The following CD163 variants were observed in gnomAD, a reference collection of about 807,000 sequenced individuals.
CD163 encodes CD163 molecule.
In CD163, 64 loss-of-function variants were observed where a neutral mutation model predicts 129.2. The ratio of observed to expected loss-of-function variants is 0.50; its 90% confidence interval spans 0.41 to 0.61. The LOEUF (loss-of-function observed/expected upper bound fraction) is 0.61, where lower values mean the gene tolerates loss of function less well. Among genes scored for constraint, CD163 ranks in the 20% least tolerant of loss-of-function variants. The pLI is 0.00. For synonymous variants in CD163, 446 were observed against 478.5 expected (o/e 0.93, Z 0.89); for missense variants, 1,061 against 1,377.9 (o/e 0.77, Z 3.64).
At chr12:7,501,819 CA>C (rs1949494459) in intron 2 of CD163, among the ~76,000 whole-genome samples, 1 of 152,086 alleles carries the variant, frequency 6.6e-6, no homozygotes, top group Non-Finnish European at 1.5e-5. Flanking sequence ...TACATTTCTC[CA>C]AAATCCTAAG....
intron 3 of CD163, 26 bp downstream of exon 3, chr12:7,501,113 G>A (rs371247157): frequency 6.3e-7 from 1 of 1,598,412 alleles, no homozygotes; most frequent in Non-Finnish European, 8.6e-7. Context: ...ATTTTGTGTT[G>A]AGGCTTTGAC....
At chr12:7,481,428 T>C (rs1473724188) in intron 14 of CD163, among the ~76,000 whole-genome samples, 172 bp from the exon 15 acceptor site, 2 of 152,114 alleles carry the variant, frequency 1.3e-5, no homozygotes, top group Non-Finnish European at 2.9e-5. Flanking sequence ...TCAAATGAAA[T>C]AGGCACAAGG....
intron 6 of CD163, among the ~76,000 whole-genome samples, chr12:7,489,662 T>A: frequency 6.6e-6 from 1 of 152,098 alleles, no homozygotes; most frequent in East Asian, 1.9e-4. Flanking sequence ...CATAATCATA[T>A]TAGCTAACAT....
chr12:7,499,162 T>C lies in CD163; in HGVS notation c.484A>G (p.Thr162Ala), dbSNP rs1411430981. Residue 162 changes from threonine (T) to alanine (A), a missense_variant, in exon 4 of 17, where the codon ACG becomes GCG. Coordinates refer to ENST00000432237, the MANE Select transcript of CD163 (RefSeq NM_203416.4). ...CCAGAACACATATTCCCTCCACGCGTCAGCCTCATTTCCAAATTGGATCCA... is the reference window on the plus strand; with the variant it reads ...CCAGAACACATATTCCCTCCACGCGCCAGCCTCATTTCCAAATTGGATCCA... ...SDGSNLEMRLTRGGNMCSGRI... is the reference protein window; with the variant it reads ...SDGSNLEMRLARGGNMCSGRI... 6.2e-7 allele frequency: 1 copy of C among 1,611,864 alleles called. No homozygotes were observed. The highest frequency in any genetic ancestry group is 8.5e-7 in the Non-Finnish European group (1 of 1,179,110).
intron 16 of CD163, among the ~76,000 whole-genome samples, chr12:7,479,658 T>A (rs1301630220): frequency 1.3e-5 from 2 of 152,202 alleles, no homozygotes; most frequent in African/African-American, 4.8e-5. Context: ...TTACTATTTG[T>A]GTGTATAATT....
rs1160924423 is a variant in CD163 at position 7,485,843 on chromosome 12, G to T, written c.2459-427C>A. Reference sequence around the variant, plus strand: ...TGCTGACACTTCACAGTTTTGCAGTGCATGTCTTCTACCAGATTTATGTCA... The same window carrying T: ...TGCTGACACTTCACAGTTTTGCAGTTCATGTCTTCTACCAGATTTATGTCA... On this transcript the variant is annotated intron_variant, in intron 10 of 16. Coordinates refer to ENST00000432237, the MANE Select transcript of CD163 (RefSeq NM_203416.4). The surrounding 1 kb of genome is among the most constrained non-coding windows in gnomAD (Gnocchi z 4.5). Among the ~76,000 whole-genome samples, 1 of 152,044 alleles carries T rather than the reference G, an allele frequency of 6.6e-6. No individual in the cohort carries two copies. The highest frequency in any genetic ancestry group is 2.4e-5 in the African/African-American group (1 of 41,406).
At chr12:7,479,777 T>C in intron 16 of CD163, 83 bp downstream of exon 16, 1 of 1,418,680 alleles carries the variant, frequency 7.0e-7, no homozygotes, top group Non-Finnish European at 9.7e-7. Flanking sequence ...ATACATTCTT[T>C]CTTTCTAATG....
chr12:7,493,441 T>G (rs1949352258), intron 6 of CD163, among the ~76,000 whole-genome samples: 1 of 152,174 alleles, frequency 6.6e-6, no homozygotes, highest in South Asian at 2.1e-4. Context: ...GCAAATCTAT[T>G]CTGGATGTTT....
At chr12:7,501,075 C>A in intron 3 of CD163, 64 bp downstream of exon 3, 1 of 1,397,880 alleles carries the variant, frequency 7.2e-7, no homozygotes, top group South Asian at 1.2e-5. Context: ...AGGTTTTAAC[C>A]CATCTACATA....
intron 14 of CD163, among the ~76,000 whole-genome samples, 169 bp downstream of exon 14, chr12:7,482,474 G>T (rs780007506): frequency 6.6e-6 from 1 of 152,246 alleles, no homozygotes; most frequent in African/African-American, 2.4e-5. Flanking sequence ...AAAGTGTAGG[G>T]ATTACAAGTG....
At position 7,486,887 on chromosome 12, in the gene CD163, G is replaced by T; in HGVS notation, c.2143+7C>A. 1 of 1,612,584 alleles carries T rather than the reference G, an allele frequency of 6.2e-7. No homozygotes were observed. Among genetic ancestry groups the T allele is most frequent in the Non-Finnish European group, 8.5e-7 (1 of 1,178,996 alleles). On this transcript the variant is annotated splice_region_variant and intron_variant, in intron 9 of 16. Transcript: ENST00000432237. ...AATATTTTCATAGATTTGTCACAGA[G>T]TCTTACCTATGCAGGCCACAGCACT...
intron 6 of CD163, among the ~76,000 whole-genome samples, chr12:7,488,722 A>G (rs980025501): frequency 1.3e-5 from 2 of 152,188 alleles, no homozygotes; most frequent in Admixed American, 1.3e-4. Flanking sequence ...ATATATTTTC[A>G]TCCATACTTT....
At chr12:7,482,916 T>G (rs1949182511) in intron 13 of CD163, 50 bp downstream of exon 13, 8 of 1,598,786 alleles carry the variant, frequency 5.0e-6, no homozygotes, top group Non-Finnish European at 6.8e-6. Context: ...ACAAGAAAAA[T>G]TCTATGTATG....
At chr12:7,489,980 A>G (rs1206268660) in intron 6 of CD163, among the ~76,000 whole-genome samples, 1 of 151,944 alleles carries the variant, frequency 6.6e-6, no homozygotes, top group Non-Finnish European at 1.5e-5. Context: ...CTTAAAATTT[A>G]TTTCCCTACC....
rs751609195 is a variant in CD163, at chr12:7,497,543, T to C, written c.779-410A>G. ...CTTTTGCCTCTGACTGCATTCTCCA[T>C]TGATACTACCTAGCCTGTGTTGTAC... On this transcript the variant is annotated intron_variant, in intron 4 of 16. Transcript: ENST00000432237. Among the ~76,000 whole-genome samples, 7 of 152,338 alleles carry C rather than the reference T, an allele frequency of 4.6e-5. No individual in the cohort carries two copies. The East Asian group carries it at 9.7e-4, about 21-fold the overall frequency.
rs759710249 is a variant in CD163 at position 7,497,068 on chromosome 12, T to G, written c.844A>C (p.Arg282=). The change falls in exon 5 of 17, where the codon AGA becomes CGA. Residue 282 remains arginine, a synonymous_variant. Coordinates refer to ENST00000432237, the MANE Select transcript of CD163 (RefSeq NM_203416.4). ...VTECSGRLEV[R]FQGEWGTICD... is the part of the protein sequence containing the mutation. ...ATTGTCCCCCATTCTCCTTGGAATC[T>G]CACTTCTAATCTTCCTGAACATTCA... The G allele has an allele frequency of 1.2e-6, 2 of 1,614,100 alleles. No individual in the cohort carries two copies. Among genetic ancestry groups the G allele is most frequent in the Admixed American group, 3.3e-5 (2 of 60,018 alleles).
At chr12:7,483,778 AT>A in intron 11 of CD163, 103 bp from the exon 12 acceptor site, 1 of 469,322 alleles carries the variant, frequency 2.1e-6, no homozygotes, top group Non-Finnish European at 3.3e-6. Flanking sequence ...AAAAAAAACT[AT>A]TTAAAATTTT....
At chr12:7,502,209 A>G (rs1379044212) in intron 2 of CD163, among the ~76,000 whole-genome samples, 1 of 152,134 alleles carries the variant, frequency 6.6e-6, no homozygotes, top group African/African-American at 2.4e-5. Context: ...CCTCCTTTGT[A>G]TTCTTTCCTA....
chr12:7,501,475 A>G lies in CD163; in HGVS notation c.134-13T>C. The G allele has an allele frequency of 6.2e-7, 1 of 1,603,842 alleles. No individual in the cohort carries two copies. The highest frequency in any genetic ancestry group is 8.5e-7 in the Non-Finnish European group (1 of 1,171,186). ...TTGTCTGTTCCTCCTGCAACAATGG[A>G]TTAAGACAGTAATTGGCCAAGGTCG... is the stretch of plus-strand genomic sequence containing the variant. On this transcript the variant is annotated splice_polypyrimidine_tract_variant and intron_variant, in intron 2 of 16. Transcript: ENST00000432237.
Sources: gnomAD v4.1 joint callset for allele counts (sites outside exome capture counted in the v4.1 genomes callset) on GRCh38, gnomAD v4.1.1 for gene constraint, Gnocchi (gnomAD v3.1) non-coding constraint, MANE v1.5 for transcripts, NCBI Gene and HGNC (gene_info 2026-07-23, HGNC 2026-07-21) for gene names.